LUC7L2: variants seen among roughly 807,000 people sequenced by gnomAD.
The protein encoded by LUC7L2 is putative RNA-binding protein Luc7-like 2.
In LUC7L2, 25 loss-of-function variants were observed where a neutral mutation model predicts 52.8. The observed-to-expected ratio is 0.47, with a 90% CI of 0.34 to 0.66. The LOEUF (loss-of-function observed/expected upper bound fraction) is 0.66, where lower values mean the gene tolerates loss of function less well. LUC7L2 is among the 30% of genes least tolerant of loss of function. The pLI is 0.01. For synonymous variants in LUC7L2, 144 were observed against 160.9 expected, an observed-to-expected ratio of 0.89 and a Z score of 0.80; for missense variants, 328 against 497.8, an observed-to-expected ratio of 0.66 and a Z score of 3.25.
intron 2 of LUC7L2, among the ~76,000 whole-genome samples, chr7:139,392,978 A>T (rs1384678917): frequency 6.6e-6 from 1 of 150,460 alleles, no homozygotes; most frequent in East Asian, 2.1e-4. Context: ...TAAAAAAAAA[A>T]TTTTAAGACC....
At chr7:139,356,433 C>T (rs1234856697), upstream of LUC7L2, among the ~76,000 whole-genome samples, 4 of 150,806 alleles carry the variant, frequency 2.7e-5, no homozygotes, top group Non-Finnish European at 5.9e-5. Context: ...AAAATGGGAG[C>T]GTTCCCCCAA....
chr7:139,390,256 TTTTTTA>T (rs1569381648), intron 2 of LUC7L2, among the ~76,000 whole-genome samples: 1 of 151,914 alleles, frequency 6.6e-6, no homozygotes, highest in African/African-American at 2.4e-5. Flanking sequence ...TCTTATTTTT[TTTTTTA>T]TTTTTATTTT....
At chr7:139,404,337 C>G (rs1001531453) in intron 4 of LUC7L2, among the ~76,000 whole-genome samples, 6 of 152,122 alleles carry the variant, frequency 3.9e-5, no homozygotes, top group African/African-American at 1.4e-4. Flanking sequence ...TGGTGAAACC[C>G]TGTTTCTACA....
upstream of LUC7L2, among the ~76,000 whole-genome samples, chr7:139,355,614 A>G (rs1341842351): frequency 2.0e-5 from 3 of 152,248 alleles, no homozygotes; most frequent in African/African-American, 7.2e-5. Context: ...TGAAAATTCA[A>G]CTGATGGATT....
chr7:139,379,661 C>A (rs1053371862), intron 2 of LUC7L2, among the ~76,000 whole-genome samples: 1 of 138,312 alleles, frequency 7.2e-6, no homozygotes, highest in Non-Finnish European at 1.5e-5. Flanking sequence ...CCTCCGCCTC[C>A]AGGTTCAAGT....
At chr7:139,394,926 A>G (rs1794596102) in intron 2 of LUC7L2, among the ~76,000 whole-genome samples, 1 of 152,330 alleles carries the variant, frequency 6.6e-6, no homozygotes, top group East Asian at 1.9e-4. Flanking sequence ...ATTGCACATT[A>G]AAAATACCTG....
Position 139,403,361 on chromosome 7 carries a change from A to G in LUC7L2, c.366+1114A>G, listed in dbSNP as rs1396714691. Among the ~76,000 whole-genome samples the G allele has an allele frequency of 2.6e-5, 4 of 152,358 alleles. No homozygotes were observed. In the East Asian group the frequency reaches 7.7e-4, roughly 29 times the overall value. ...ACAACATAATTATATTCCATTCAGT[A>G]TGATCAAGTGTGTTTTATGAAAATG... On this transcript the variant is annotated intron_variant, in intron 4 of 9. Transcript: ENST00000354926.
chr7:139,420,285 C>CTCGG (rs1368881420), intron 9 of LUC7L2, among the ~76,000 whole-genome samples: 3 of 152,112 alleles, frequency 2.0e-5, no homozygotes, highest in African/African-American at 7.2e-5. Context: ...CTCGTTGCAA[C>CTCGG]CTCTGCCTTG....
At chr7:139,407,825 A>G (rs540614961) in intron 6 of LUC7L2, among the ~76,000 whole-genome samples, 3,105 of 146,440 alleles carry the variant, frequency 0.021, 47 homozygotes, top group Middle Eastern at 0.046. Flanking sequence ...AAAAATTTAT[A>G]TTTTTTTAAA....
chr7:139,409,556 T>C lies in LUC7L2; in HGVS notation c.688-7T>C, dbSNP rs1299493002. The C allele has an allele frequency of 6.2e-7, 1 of 1,603,442 alleles. No homozygotes were observed. Among genetic ancestry groups the C allele is most frequent in the Non-Finnish European group, 8.5e-7 (1 of 1,174,588 alleles). On this transcript the variant is annotated splice_region_variant and splice_polypyrimidine_tract_variant and intron_variant, in intron 6 of 9. Coordinates refer to ENST00000354926, the MANE Select transcript of LUC7L2 (RefSeq NM_016019.5). ...AAATATTCTCCTCATTTATTACTGT[T>C]TTTAAGAGAGTCGTAGCTGAGAAGC...
chr7:139,348,067 C>A (rs1799327118), intron 1 of LUC7L2, among the ~76,000 whole-genome samples: 1 of 152,002 alleles, frequency 6.6e-6, no homozygotes, highest in South Asian at 2.1e-4. Flanking sequence ...TGATATTTTA[C>A]TTTGGTAAGA....
intron 1 of LUC7L2, among the ~76,000 whole-genome samples, chr7:139,370,695 T>C (rs1230501040): frequency 6.6e-6 from 1 of 152,256 alleles, no homozygotes; most frequent in Non-Finnish European, 1.5e-5. Flanking sequence ...CCGCAGGTGA[T>C]CTGCCTGCCT....
At chr7:139,410,471 T>G (rs777693827) in intron 7 of LUC7L2, among the ~76,000 whole-genome samples, 1 of 152,208 alleles carries the variant, frequency 6.6e-6, no homozygotes, top group Non-Finnish European at 1.5e-5. Context: ...TATTCATTAA[T>G]TGATAAAATC....
At chr7:139,358,493 T>C (rs1190126332), upstream of LUC7L2, among the ~76,000 whole-genome samples, 1 of 152,222 alleles carries the variant, frequency 6.6e-6, no homozygotes, top group Non-Finnish European at 1.5e-5. Context: ...CTCATTCTTC[T>C]TACAGTTTTA....
intron 2 of LUC7L2, among the ~76,000 whole-genome samples, chr7:139,377,351 C>T (rs895183799): frequency 1.3e-5 from 2 of 151,982 alleles, no homozygotes; most frequent in African/African-American, 2.4e-5. Flanking sequence ...ATCACAGGCG[C>T]GTGCCACCAT....
chr7:139,383,012 G>A (rs939366692), intron 2 of LUC7L2, among the ~76,000 whole-genome samples: 6 of 152,034 alleles, frequency 3.9e-5, no homozygotes, highest in African/African-American at 1.4e-4. Context: ...TGCAACCTCT[G>A]CTTCCTAGGC....
intron 2 of LUC7L2, among the ~76,000 whole-genome samples, chr7:139,383,723 C>CTTTTTTTTTTTTTT (rs149098259): frequency 7.0e-6 from 1 of 142,520 alleles, no homozygotes; most frequent in African/African-American, 2.6e-5. Flanking sequence ...GCCTTGATGT[C>CTTTTTTTTTTTTTT]TTTTTTTTTT....
intron 3 of LUC7L2, among the ~76,000 whole-genome samples, chr7:139,400,277 C>G (rs942297305): frequency 1.3e-5 from 2 of 152,032 alleles, no homozygotes; most frequent in African/African-American, 4.8e-5. Context: ...GAGGCCGAGG[C>G]AGGGGTGGAT....
intron 8 of LUC7L2, among the ~76,000 whole-genome samples, chr7:139,414,687 A>G (rs1795509664): frequency 2.0e-5 from 3 of 152,076 alleles, no homozygotes; most frequent in Admixed American, 1.3e-4. Flanking sequence ...TTTTCCTTCA[A>G]CATGCTGAGC....
Sources: gnomAD v4.1 joint callset for allele counts (sites outside exome capture counted in the v4.1 genomes callset) on GRCh38, gnomAD v4.1.1 for gene constraint, MANE v1.5 for transcripts, NCBI Gene and HGNC (gene_info 2026-07-23, HGNC 2026-07-21) for gene names.